The following DGKB variants were observed in gnomAD, a reference collection of about 807,000 sequenced individuals.
DGKB encodes the protein 90 kDa diacylglycerol kinase.
In DGKB, 67 loss-of-function variants were observed where a neutral mutation model predicts 114.3. The observed-to-expected ratio is 0.59, with a 90% CI of 0.48 to 0.72. DGKB has a LOEUF of 0.72. DGKB is among the 30% of genes least tolerant of loss of function. DGKB has a pLI of 0.00. For synonymous variants in DGKB, 398 were observed against 323.1 expected, an observed-to-expected ratio of 1.23 and a Z score of -2.49; for missense variants, 907 against 975.2, an observed-to-expected ratio of 0.93 and a Z score of 0.93.
At chr7:14,589,621 A>T (rs938805248) in intron 17 of DGKB, among the ~76,000 whole-genome samples, 2 of 152,020 alleles carry the variant, frequency 1.3e-5, no homozygotes, top group Non-Finnish European at 2.9e-5. Flanking sequence ...ACTATATAAA[A>T]ATATTAAGTT....
At chr7:14,633,458 G>T (rs375884413) in intron 13 of DGKB, among the ~76,000 whole-genome samples, 1 of 151,842 alleles carries the variant, frequency 6.6e-6, no homozygotes, top group East Asian at 1.9e-4. Context: ...ATCAAAATGT[G>T]TAAAGAGTTA....
intron 19 of DGKB, among the ~76,000 whole-genome samples, chr7:14,577,001 G>C (rs1477915028): frequency 6.6e-6 from 1 of 152,132 alleles, no homozygotes; most frequent in Non-Finnish European, 1.5e-5. Context: ...CTTCTTGTAT[G>C]TATCTATGCC....
intron 13 of DGKB, among the ~76,000 whole-genome samples, chr7:14,647,078 A>G (rs1563779615): frequency 6.6e-6 from 1 of 151,950 alleles, no homozygotes; most frequent in Non-Finnish European, 1.5e-5. Flanking sequence ...TAGACTAAGA[A>G]ATAATAAAGA....
intron 20 of DGKB, among the ~76,000 whole-genome samples, chr7:14,502,743 G>A (rs749868984): frequency 1.4e-4 from 22 of 152,134 alleles, no homozygotes; most frequent in Middle Eastern, 3.4e-3. Flanking sequence ...AAAATATGAT[G>A]TAATCTATAT....
chr7:14,778,081 T>A (rs139639900), intron 2 of DGKB, among the ~76,000 whole-genome samples: 2 of 152,368 alleles, frequency 1.3e-5, no homozygotes, highest in African/African-American at 4.8e-5. Flanking sequence ...GTAAATTTTC[T>A]GACTTACTTG....
chr7:14,463,780 G>A (rs1238057891), intron 21 of DGKB, among the ~76,000 whole-genome samples: 1 of 152,086 alleles, frequency 6.6e-6, no homozygotes, highest in Non-Finnish European at 1.5e-5. Context: ...AATAATAATT[G>A]TAACTATCTC....
In DGKB at chr7:14,212,331, CAT is replaced by C. The variant is rs1788162096; in HGVS notation, c.2123-34182_2123-34181del. 2.3e-4 allele frequency among the ~76,000 whole-genome samples: 8 copies of C among 34,556 alleles called. 1 individual carries two copies. The highest frequency in any genetic ancestry group is 1.2e-3 in the South Asian group (1 of 804). 22.7% of individuals were successfully genotyped at this position (34,556 alleles called of 152,430 possible). On this transcript the variant is annotated intron_variant, in intron 23 of 25. Transcript: ENST00000402815. ...CTCTCATGTTTTGTGATTTTACTCT[CAT>C]GTTTTGTGATATTTACTCTCATGTT...
At chr7:14,537,554 AC>A (rs1792712453) in intron 20 of DGKB, among the ~76,000 whole-genome samples, 1 of 152,204 alleles carries the variant, frequency 6.6e-6, no homozygotes, top group African/African-American at 2.4e-5. Context: ...TATCTTCAAT[AC>A]ATGGTGTTTG....
At chr7:14,448,205 C>T (rs10241762) in intron 21 of DGKB, among the ~76,000 whole-genome samples, 4,066 of 152,020 alleles carry the variant, frequency 0.027, 208 homozygotes, top group African/African-American at 0.092. Flanking sequence ...GTTACAGCCT[C>T]CTCTATGAGT....
At chr7:14,390,092 C>T (rs976688161) in intron 21 of DGKB, among the ~76,000 whole-genome samples, 1 of 152,136 alleles carries the variant, frequency 6.6e-6, no homozygotes, top group African/African-American at 2.4e-5. Flanking sequence ...GGAGGCATAT[C>T]ATACTGCTGT....
intron 23 of DGKB, among the ~76,000 whole-genome samples, chr7:14,273,173 C>T (rs1256541259): frequency 6.6e-6 from 1 of 151,920 alleles, no homozygotes; most frequent in East Asian, 1.9e-4. Context: ...GGTGAAACCC[C>T]AACTCTACAA....
chr7:14,700,904 G>A (rs980880157), intron 7 of DGKB, among the ~76,000 whole-genome samples: 14 of 152,010 alleles, frequency 9.2e-5, no homozygotes, highest in African/African-American at 3.4e-4. Context: ...GATAGAACAA[G>A]AAATAATATA....
At chr7:14,430,072 A>C (rs974331727) in intron 21 of DGKB, among the ~76,000 whole-genome samples, 6 of 151,942 alleles carry the variant, frequency 3.9e-5, no homozygotes, top group Admixed American at 2.0e-4. Context: ...ACATTCTTTC[A>C]CAGGAAATAT....
At chr7:14,584,404 G>A (rs1563589019) in intron 17 of DGKB, among the ~76,000 whole-genome samples, 1 of 152,064 alleles carries the variant, frequency 6.6e-6, no homozygotes, top group Admixed American at 6.6e-5. Flanking sequence ...ATATCCCTCT[G>A]AATGGCTCCC....
intron 21 of DGKB, among the ~76,000 whole-genome samples, chr7:14,473,842 C>T (rs1208609790): frequency 6.6e-6 from 1 of 152,146 alleles, no homozygotes; most frequent in Non-Finnish European, 1.5e-5. Flanking sequence ...CATGTAGCCC[C>T]TTTGTTTTGG....
chr7:14,447,852 A>C (rs1168701868), intron 21 of DGKB, among the ~76,000 whole-genome samples: 1 of 152,018 alleles, frequency 6.6e-6, no homozygotes, highest in African/African-American at 2.4e-5. Context: ...GGGAAATCCT[A>C]ATTTCCGCAG....
chr7:14,523,959 T>A (rs1450203375), intron 20 of DGKB, among the ~76,000 whole-genome samples: 1 of 152,186 alleles, frequency 6.6e-6, no homozygotes, highest in Admixed American at 6.5e-5. Flanking sequence ...AGAACACCAA[T>A]CTGACCTATA....
intron 6 of DGKB, among the ~76,000 whole-genome samples, chr7:14,709,890 G>A (rs558160335): frequency 0.022 from 3,215 of 147,702 alleles, 115 homozygotes; most frequent in African/African-American, 0.077. Flanking sequence ...TGGGTGCAGC[G>A]CACCAGCATG....
intron 23 of DGKB, among the ~76,000 whole-genome samples, chr7:14,330,835 A>C (rs1439898935): frequency 6.6e-6 from 1 of 152,022 alleles, no homozygotes. Flanking sequence ...AAATTTCATT[A>C]ATGCTTCTCG....
Sources: allele counts gnomAD v4.1 joint callset (sites outside exome capture counted in the v4.1 genomes callset), GRCh38; gene constraint gnomAD v4.1.1; transcripts MANE v1.5; gene names NCBI Gene and HGNC (gene_info 2026-07-23, HGNC 2026-07-21).